The following ASTN1 variants were observed in gnomAD, a reference collection of about 807,000 sequenced individuals.
ASTN1 encodes astrotactin-1.
A neutral mutation model predicts 140.7 loss-of-function variants in ASTN1; 41 were observed. The observed-to-expected ratio is 0.29, with a 90% confidence interval of 0.23 to 0.38. ASTN1 has a LOEUF of 0.38. Ranked by LOEUF, ASTN1 falls within the 10% of genes least tolerant of loss-of-function variation. The pLI is 1.00. For missense variants in ASTN1, 1,479 were observed against 1,678.8 expected (o/e 0.88, Z 2.08); for synonymous variants, 640 against 652.2 (o/e 0.98, Z 0.29).
At chr1:177,037,707 C>T (rs571547904) in intron 2 of ASTN1, among the ~76,000 whole-genome samples, 4 of 152,290 alleles carry the variant, frequency 2.6e-5, no homozygotes, top group East Asian at 3.9e-4. Context: ...GCTCATTATT[C>T]ATCTTTGCAT....
Position 177,149,569 on chromosome 1 carries a change from CTG to C in ASTN1, c.283+14823_283+14824del, listed in dbSNP as rs1237149231. ...TATATATATAGTAAATATATATACA[CTG>C]TATATATATAGTAAATATATATACA... On this transcript the variant is annotated intron_variant, in intron 1 of 22. Transcript: ENST00000361833. Among the ~76,000 whole-genome samples the C allele has an allele frequency of 7.7e-5, 4 of 52,202 alleles. No homozygotes were observed. The East Asian group carries it at 2.4e-3, about 31-fold the overall frequency. 34.2% of individuals were successfully genotyped at this position (52,202 alleles called of 152,430 possible). A position where few individuals can be genotyped will look rare whatever the true frequency, so the allele number is the denominator to read the frequency against.
At chr1:176,886,247 T>C (rs192973345) in intron 18 of ASTN1, among the ~76,000 whole-genome samples, 7 of 152,370 alleles carry the variant, frequency 4.6e-5, no homozygotes, top group Middle Eastern at 6.8e-3. Flanking sequence ...GGAAAGTCCT[T>C]AATAGACATT....
intron 21 of ASTN1, among the ~76,000 whole-genome samples, chr1:176,875,311 C>T (rs10913268): frequency 0.022 from 3,330 of 152,092 alleles, 106 homozygotes; most frequent in African/African-American, 0.076. Flanking sequence ...GGGAGGGGGC[C>T]GAAGTGCTGG....
Position 177,097,145 on chromosome 1 carries a change from T to G in ASTN1, c.284-35880A>C, listed in dbSNP as rs115824059. Reference sequence around the variant, plus strand: ...GAGCAACCCATACAGAGATCTTAAGTGGTTTCCTCATTTCTTCCCCAGGCT... The same window carrying G: ...GAGCAACCCATACAGAGATCTTAAGGGGTTTCCTCATTTCTTCCCCAGGCT... On this transcript the variant is annotated intron_variant, in intron 1 of 22. Transcript: ENST00000361833. Among the ~76,000 whole-genome samples, 902 of 152,250 alleles carry G rather than the reference T, an allele frequency of 5.9e-3. 8 individuals are homozygous for G. The highest frequency in any genetic ancestry group is 0.021 in the African/African-American group (862 of 41,524).
chr1:177,061,318 T>G, intron 1 of ASTN1, 53 bp from the exon 2 acceptor site: 1 of 1,410,068 alleles, frequency 7.1e-7, no homozygotes, highest in Non-Finnish European at 9.4e-7. Flanking sequence ...GACCAAGTTT[T>G]TCATCTTCTT....
intron 1 of ASTN1, among the ~76,000 whole-genome samples, chr1:177,076,987 C>T (rs367768122): frequency 6.6e-6 from 1 of 152,152 alleles, no homozygotes; most frequent in Non-Finnish European, 1.5e-5. Context: ...CTTTTTCGCC[C>T]AATCTCAATT....
intron 12 of ASTN1, among the ~76,000 whole-genome samples, chr1:176,947,631 C>G (rs1672012246): frequency 6.6e-6 from 1 of 152,160 alleles, no homozygotes; most frequent in South Asian, 2.1e-4. Context: ...AGGTCTGGGA[C>G]AAGATAGTGA....
At chr1:176,945,278 C>T (rs1169288178) in intron 13 of ASTN1, among the ~76,000 whole-genome samples, 1 of 152,170 alleles carries the variant, frequency 6.6e-6, no homozygotes. Flanking sequence ...TTATGTCTAT[C>T]AATATGTACA....
intron 15 of ASTN1, among the ~76,000 whole-genome samples, chr1:176,935,512 G>A (rs1486301500): frequency 6.6e-6 from 1 of 152,172 alleles, no homozygotes; most frequent in Non-Finnish European, 1.5e-5. Flanking sequence ...TGGGTCCCCT[G>A]TGTCCTATGA....
chr1:177,110,920 G>A (rs897511163), intron 1 of ASTN1, among the ~76,000 whole-genome samples: 3 of 152,172 alleles, frequency 2.0e-5, no homozygotes, highest in Non-Finnish European at 4.4e-5. Flanking sequence ...TAATTATGAA[G>A]TGGGCTTGAT....
chr1:176,970,171 T>C (rs1392090329), intron 8 of ASTN1, among the ~76,000 whole-genome samples: 4 of 152,234 alleles, frequency 2.6e-5, no homozygotes, highest in Non-Finnish European at 5.9e-5. Flanking sequence ...CTTTAGGACA[T>C]ATCCACTTTT....
chr1:177,057,012 T>A (rs1319885105), intron 2 of ASTN1, among the ~76,000 whole-genome samples: 1 of 152,230 alleles, frequency 6.6e-6, no homozygotes, highest in Admixed American at 6.5e-5. Flanking sequence ...TAGTTCTGAA[T>A]GTCAACTATC....
chr1:176,960,214 C>CGT (rs1672599600), intron 9 of ASTN1, among the ~76,000 whole-genome samples: 3 of 152,164 alleles, frequency 2.0e-5, no homozygotes, highest in Admixed American at 2.0e-4. Flanking sequence ...TCATAATGGA[C>CGT]ATCCTTGAGT....
intron 12 of ASTN1, among the ~76,000 whole-genome samples, chr1:176,947,364 C>A (rs1672003138): frequency 6.6e-6 from 1 of 152,134 alleles, no homozygotes; most frequent in Non-Finnish European, 1.5e-5. Flanking sequence ...CTGCTTTTTC[C>A]ATTTACCATT....
chr1:176,937,393 T>C (rs1379995801), intron 14 of ASTN1, among the ~76,000 whole-genome samples: 1 of 152,190 alleles, frequency 6.6e-6, no homozygotes, highest in Non-Finnish European at 1.5e-5. Flanking sequence ...TCCTTCTTAC[T>C]AATGGAAAAA....
At chr1:177,001,415 C>T (rs1244473530) in intron 8 of ASTN1, among the ~76,000 whole-genome samples, 1 of 152,202 alleles carries the variant, frequency 6.6e-6, no homozygotes, top group African/African-American at 2.4e-5. Context: ...TGAGTACCTA[C>T]ATACTTCATG....
chr1:177,112,132 A>G (rs1431780795), intron 1 of ASTN1, among the ~76,000 whole-genome samples: 1 of 152,226 alleles, frequency 6.6e-6, no homozygotes, highest in Non-Finnish European at 1.5e-5. Context: ...GCTGGCTGCC[A>G]TAGAATGTTT....
chr1:177,076,540 G>A (rs1201778553), intron 1 of ASTN1, among the ~76,000 whole-genome samples: 1 of 142,382 alleles, frequency 7.0e-6, no homozygotes, highest in African/African-American at 2.6e-5. Flanking sequence ...TTTTTTTTAT[G>A]AGATGGAGTC....
intron 12 of ASTN1, 123 bp from the exon 13 acceptor site, chr1:176,946,243 C>A: frequency 2.1e-6 from 2 of 949,638 alleles, no homozygotes; most frequent in Non-Finnish European, 3.0e-6. Context: ...GATTAGATTT[C>A]CAAGTTATAT....
Sources: allele counts gnomAD v4.1 joint callset (sites outside exome capture counted in the v4.1 genomes callset), GRCh38; gene constraint gnomAD v4.1.1; transcripts MANE v1.5; gene names NCBI Gene and HGNC (gene_info 2026-07-23, HGNC 2026-07-21).